The following WDR72 variants were observed in gnomAD, a reference collection of about 807,000 sequenced individuals.
WDR72 encodes the protein WD repeat domain 72, also known as WD repeat-containing protein 72.
In WDR72, 120 loss-of-function variants were observed where a neutral mutation model predicts 124.2. That is an observed-to-expected ratio of 0.97 (90% CI 0.83 to 1.12). WDR72 has a LOEUF of 1.12. WDR72 is among the 50% of genes most tolerant of loss of function. The pLI, the probability that WDR72 is intolerant of heterozygous loss-of-function variation, is 0.00. For missense variants in WDR72, 1,387 were observed against 1,278.8 expected (o/e 1.08, Z -1.29); for synonymous variants, 452 against 441.7 (o/e 1.02, Z -0.29).
At chr15:53,746,147 G>A (rs2018638760) in intron 1 of WDR72, among the ~76,000 whole-genome samples, 2 of 152,150 alleles carry the variant, frequency 1.3e-5, no homozygotes, top group Non-Finnish European at 2.9e-5. Flanking sequence ...GAACAAGGAA[G>A]GACAACACGC....
intron 13 of WDR72, among the ~76,000 whole-genome samples, chr15:53,693,243 C>T (rs752144991): frequency 1.3e-5 from 2 of 152,062 alleles, no homozygotes; most frequent in Non-Finnish European, 2.9e-5. Flanking sequence ...ATGTTGTCTA[C>T]CATAAAAGAA....
At chr15:53,585,435 C>G (rs1018089777) in intron 18 of WDR72, among the ~76,000 whole-genome samples, 1 of 151,948 alleles carries the variant, frequency 6.6e-6, no homozygotes, top group African/African-American at 2.4e-5. Flanking sequence ...ATTACAGATC[C>G]CTCCCTCAGC....
chr15:53,686,095 A>G (rs1002486472), intron 13 of WDR72, among the ~76,000 whole-genome samples: 8 of 149,676 alleles, frequency 5.3e-5, no homozygotes, highest in South Asian at 4.4e-4. Context: ...GGTACCAGCC[A>G]CTGCAAAATC....
chr15:53,737,969 A>G (rs2018404505), intron 1 of WDR72, among the ~76,000 whole-genome samples: 1 of 152,192 alleles, frequency 6.6e-6, no homozygotes, highest in South Asian at 2.1e-4. Flanking sequence ...TCTGACCACA[A>G]TCAATAAAAA....
intron 14 of WDR72, among the ~76,000 whole-genome samples, chr15:53,617,734 CCATT>C (rs1210839208): frequency 6.6e-6 from 1 of 151,664 alleles, no homozygotes; most frequent in Non-Finnish European, 1.5e-5. Context: ...TAAAATAATA[CCATT>C]CATTGGCCTA....
intron 13 of WDR72, among the ~76,000 whole-genome samples, chr15:53,679,052 C>A (rs564273088): frequency 6.6e-6 from 1 of 152,280 alleles, no homozygotes; most frequent in Admixed American, 6.5e-5. Flanking sequence ...AAGCCAGTCA[C>A]AAAAGAACAA....
At chr15:53,711,701 G>A (rs559157419) in intron 7 of WDR72, among the ~76,000 whole-genome samples, 2 of 152,212 alleles carry the variant, frequency 1.3e-5, no homozygotes, top group South Asian at 4.1e-4. Flanking sequence ...TATCATTCCA[G>A]AGTGTGTACA....
intron 3 of WDR72, among the ~76,000 whole-genome samples, chr15:53,719,904 A>G (rs1053582907): frequency 6.6e-6 from 1 of 152,164 alleles, no homozygotes; most frequent in South Asian, 2.1e-4. Context: ...GCCAGTAACT[A>G]AACCTTTATT....
At position 53,549,203 on chromosome 15, in the gene WDR72, C is replaced by T. The variant is rs1177215334; in HGVS notation, c.3149-25881G>A. Among the ~76,000 whole-genome samples, 3 of 152,228 alleles carry T rather than the reference C, an allele frequency of 2.0e-5. No individual in the cohort carries two copies. The East Asian group carries it at 5.8e-4, about 29-fold the overall frequency. On this transcript the variant is annotated intron_variant, in intron 18 of 19. Transcript: ENST00000360509. The stretch of plus-strand genomic sequence containing the variant: ...CAATAAAAGATAGGCATGGTTTGTG[C>T]CCTAACAGATCTTATGGTCTGACAG...
intron 18 of WDR72, among the ~76,000 whole-genome samples, chr15:53,547,442 A>G (rs1009485387): frequency 6.6e-6 from 1 of 152,198 alleles, no homozygotes; most frequent in Non-Finnish European, 1.5e-5. Context: ...TGTTACTATT[A>G]TAATATCATT....
chr15:53,514,721 C>T lies in WDR72; in HGVS notation c.*2978G>A, dbSNP rs966016644. 2.6e-5 allele frequency: 4 copies of T among 152,010 alleles called. No individual in the cohort carries two copies. The highest frequency in any genetic ancestry group is 9.7e-5 in the African/African-American group (4 of 41,400). 9.4% of individuals were successfully genotyped at this position (152,010 alleles called of 1,614,324 possible). Reference sequence around the variant, plus strand: ...TTAACTGTGTGTTTCTAACATTATACATTTTTCCTTATATTTGAAGTGTTT... The same window carrying T: ...TTAACTGTGTGTTTCTAACATTATATATTTTTCCTTATATTTGAAGTGTTT... On this transcript the variant is annotated 3_prime_UTR_variant, in exon 20 of 20. Transcript: ENST00000360509.
intron 13 of WDR72, among the ~76,000 whole-genome samples, chr15:53,678,716 G>C (rs923815745): frequency 2.0e-5 from 3 of 152,260 alleles, no homozygotes; most frequent in African/African-American, 7.2e-5. Flanking sequence ...CCCAGTATGC[G>C]TGGCTGCGTA....
intron 18 of WDR72, among the ~76,000 whole-genome samples, chr15:53,530,498 T>A (rs1413979931): frequency 6.6e-6 from 1 of 151,922 alleles, no homozygotes; most frequent in Non-Finnish European, 1.5e-5. Context: ...AATGTATTAA[T>A]TTTACTTACT....
intron 13 of WDR72, among the ~76,000 whole-genome samples, chr15:53,668,627 A>G (rs950050016): frequency 2.0e-5 from 3 of 152,138 alleles, no homozygotes; most frequent in African/African-American, 7.2e-5. Context: ...CAGGTATAAT[A>G]GCTCATCCCA....
chr15:53,630,408 A>G (rs1056536726), intron 14 of WDR72, among the ~76,000 whole-genome samples: 3 of 152,174 alleles, frequency 2.0e-5, no homozygotes, highest in Admixed American at 2.0e-4. Flanking sequence ...AGATATCACA[A>G]GATAAGAAAA....
rs1212233988 is a variant in WDR72 at position 53,705,996 on chromosome 15, C to T, written c.1033G>A (p.Val345Ile). The T allele has an allele frequency of 3.7e-6, 6 of 1,614,080 alleles. No individual in the cohort carries two copies. Among genetic ancestry groups the T allele is most frequent in the Non-Finnish European group, 5.1e-6 (6 of 1,180,000 alleles). ...TGCCACAAAGTAATTCTTCCTGAGA[C>T]TTCTCCAGAGAAAAGTACCTTGTAA... ...PFYKVLFSGE[V>I]SGRITLWHIP... The change falls in exon 10 of 20, where the codon GTC becomes ATC. Residue 345 changes from valine (V) to isoleucine (I), a missense_variant. Transcript: ENST00000360509.
chr15:53,758,912 T>G (rs913059192), intron 1 of WDR72, among the ~76,000 whole-genome samples: 39 of 152,228 alleles, frequency 2.6e-4, no homozygotes, highest in African/African-American at 8.9e-4. Context: ...AGCACCAGTT[T>G]CCAAAAGGAA....
intron 14 of WDR72, among the ~76,000 whole-genome samples, chr15:53,633,951 T>A (rs1300221178): frequency 6.6e-6 from 1 of 152,178 alleles, no homozygotes; most frequent in East Asian, 1.9e-4. Flanking sequence ...GAACTTTTTT[T>A]AAAGGAACAT....
At chr15:53,740,004 A>T (rs903074679) in intron 1 of WDR72, among the ~76,000 whole-genome samples, 9 of 152,218 alleles carry the variant, frequency 5.9e-5, no homozygotes, top group Admixed American at 5.2e-4. Flanking sequence ...GGTAATTAAT[A>T]TATTTGTAAT....
Sources: allele counts gnomAD v4.1 joint callset (sites outside exome capture counted in the v4.1 genomes callset), GRCh38; gene constraint gnomAD v4.1.1; transcripts MANE v1.5; gene names NCBI Gene and HGNC (gene_info 2026-07-23, HGNC 2026-07-21).